The following SV2C variants were observed in gnomAD, a reference collection of about 807,000 sequenced individuals.
SV2C encodes synaptic vesicle glycoprotein 2C.
In SV2C, 49 loss-of-function variants were observed where a neutral mutation model predicts 79.7. That is an observed-to-expected ratio of 0.61 (90% CI 0.49 to 0.78). SV2C has a LOEUF of 0.78. Among genes scored for constraint, SV2C ranks in the 30% least tolerant of loss-of-function variants. SV2C has a pLI of 0.00. For missense variants in SV2C, 833 were observed against 912.9 expected (o/e 0.91, Z 1.13); for synonymous variants, 334 against 333.2 (o/e 1.00, Z -0.03).
the SV2C span, among the ~76,000 whole-genome samples, chr5:76,032,092 A>G: frequency 6.6e-6 from 1 of 152,228 alleles, no homozygotes; most frequent in African/African-American, 2.4e-5. Context: ...TTTGAATGAG[A>G]TGGAGTATAA....
At chr5:76,189,966 A>G (rs1744043535) in intron 2 of SV2C, among the ~76,000 whole-genome samples, 2 of 152,200 alleles carry the variant, frequency 1.3e-5, no homozygotes, top group Non-Finnish European at 2.9e-5. Context: ...AATTAAATGC[A>G]TAATTAATAA....
At chr5:76,259,874 C>G (rs1474895747) in intron 4 of SV2C, among the ~76,000 whole-genome samples, 2 of 152,118 alleles carry the variant, frequency 1.3e-5, no homozygotes, top group Non-Finnish European at 2.9e-5. Flanking sequence ...GGTTCCAAGT[C>G]TTTGCTGTTG....
chr5:76,014,634 G>C, the SV2C span, among the ~76,000 whole-genome samples: 24 of 152,112 alleles, frequency 1.6e-4, no homozygotes, highest in African/African-American at 5.5e-4. Flanking sequence ...GGCACCCATT[G>C]AATACTGCCA....
the SV2C span, among the ~76,000 whole-genome samples, chr5:76,061,891 T>C: frequency 6.6e-6 from 1 of 152,126 alleles, no homozygotes; most frequent in African/African-American, 2.4e-5. Flanking sequence ...CACGATGATA[T>C]TAATGTCAAG....
the SV2C span, among the ~76,000 whole-genome samples, chr5:75,937,325 T>C: frequency 2.6e-5 from 4 of 152,342 alleles, no homozygotes; most frequent in East Asian, 7.7e-4. Context: ...TTAGAGTTTA[T>C]TGTGAAGATT....
chr5:76,289,243 T>A (rs972602786), intron 6 of SV2C, among the ~76,000 whole-genome samples: 1 of 152,152 alleles, frequency 6.6e-6, no homozygotes, highest in Non-Finnish European at 1.5e-5. Flanking sequence ...AATATTGTTT[T>A]CGAAGACTTC....
chr5:76,311,914 G>A (rs1203951638), intron 12 of SV2C, among the ~76,000 whole-genome samples: 1 of 152,156 alleles, frequency 6.6e-6, no homozygotes. Context: ...TTTAGTCTGT[G>A]CTGGTCAGCT....
At chr5:76,322,440 T>C (rs947513997) in intron 12 of SV2C, among the ~76,000 whole-genome samples, 28 of 152,144 alleles carry the variant, frequency 1.8e-4, no homozygotes, top group African/African-American at 5.8e-4. Context: ...AGAATCAATA[T>C]AGTGAAAGTG....
At chr5:76,184,823 C>T (rs1185786113) in intron 2 of SV2C, among the ~76,000 whole-genome samples, 1 of 152,198 alleles carries the variant, frequency 6.6e-6, no homozygotes, top group Non-Finnish European at 1.5e-5. Context: ...CCCCAAGCCC[C>T]TCCCAGATCT....
intron 2 of SV2C, among the ~76,000 whole-genome samples, chr5:76,145,945 G>A (rs576503921): frequency 6.6e-6 from 1 of 152,260 alleles, no homozygotes; most frequent in South Asian, 2.1e-4. Context: ...CTTGCCTTCT[G>A]TAAGCTCATT....
the SV2C span, among the ~76,000 whole-genome samples, chr5:76,076,846 C>T: frequency 2.6e-5 from 4 of 152,208 alleles, no homozygotes; most frequent in Non-Finnish European, 5.9e-5. Context: ...TTCCCTTACA[C>T]TGAAAGTGTA....
intron 4 of SV2C, among the ~76,000 whole-genome samples, chr5:76,224,381 T>G (rs1309630792): frequency 6.6e-6 from 1 of 152,224 alleles, no homozygotes; most frequent in African/African-American, 2.4e-5. Context: ...TGTATTTCTT[T>G]GAAAATAACT....
chr5:76,002,687 G>T, the SV2C span, among the ~76,000 whole-genome samples: 4 of 152,080 alleles, frequency 2.6e-5, no homozygotes, highest in Non-Finnish European at 5.9e-5. Flanking sequence ...CTGACTCTCT[G>T]GCCAAGCATT....
chr5:75,907,377 G>A, the SV2C span, among the ~76,000 whole-genome samples: 1 of 152,158 alleles, frequency 6.6e-6, no homozygotes, highest in African/African-American at 2.4e-5. Flanking sequence ...GTTTATTGGA[G>A]GTCTTGTCTG....
At chr5:75,955,063 C>A in the SV2C span, among the ~76,000 whole-genome samples, 2 of 143,492 alleles carry the variant, frequency 1.4e-5, no homozygotes, top group African/African-American at 5.7e-5. Flanking sequence ...TCATATGGAA[C>A]CAAAAAAGAG....
At chr5:76,293,379 T>C (rs1747625949) in intron 8 of SV2C, among the ~76,000 whole-genome samples, 1 of 152,222 alleles carries the variant, frequency 6.6e-6, no homozygotes, top group Non-Finnish European at 1.5e-5. Context: ...TACTAATTCA[T>C]TATTGATCAT....
At chr5:76,102,632 T>C (rs1019961037) in intron 1 of SV2C, among the ~76,000 whole-genome samples, 6 of 152,182 alleles carry the variant, frequency 3.9e-5, no homozygotes, top group Non-Finnish European at 7.3e-5. Context: ...TTGCTCAAGG[T>C]CACAGAGTTT....
chr5:76,131,026 G>C (rs1748871732), intron 1 of SV2C, among the ~76,000 whole-genome samples: 2 of 152,168 alleles, frequency 1.3e-5, no homozygotes, highest in Admixed American at 1.3e-4. Flanking sequence ...CAATCCTGTG[G>C]ATATGACACT....
chr5:76,353,087 G>A, intron 12 of SV2C: 1 of 449,042 alleles, frequency 2.2e-6, no homozygotes, highest in South Asian at 1.6e-5. Flanking sequence ...ACTACAGGTG[G>A]GAGCCACCAT....
Sources: allele counts gnomAD v4.1 joint callset (sites outside exome capture counted in the v4.1 genomes callset), GRCh38; gene constraint gnomAD v4.1.1; transcripts MANE v1.5; gene names NCBI Gene and HGNC (gene_info 2026-07-23, HGNC 2026-07-21).